Variants in L3MBTL3 observed in about 807,000 individuals in gnomAD.
L3MBTL3 encodes the protein L3MBTL histone methyl-lysine binding protein 3, also known as lethal(3)malignant brain tumor-like protein 3.
L3MBTL3 carries 27 observed loss-of-function variants against 102.3 expected under a neutral mutation model. That is an observed-to-expected ratio of 0.26 (90% CI 0.19 to 0.36). L3MBTL3 has a LOEUF of 0.36. Ranked by LOEUF, L3MBTL3 falls within the 10% of genes least tolerant of loss-of-function variation. The pLI is 1.00. For synonymous variants in L3MBTL3, 340 were observed against 320.9 expected (o/e 1.06, Z -0.64); for missense variants, 798 against 955.3 (o/e 0.84, Z 2.17).
intron 22 of L3MBTL3, among the ~76,000 whole-genome samples, chr6:130,137,437 C>G (rs939244964): frequency 2.0e-5 from 3 of 152,194 alleles, no homozygotes; most frequent in Non-Finnish European, 4.4e-5. Context: ...TCCTTCCAAT[C>G]AAGACTTGTT....
chr6:130,055,874 G>A (rs953709011), intron 8 of L3MBTL3, among the ~76,000 whole-genome samples: 1 of 150,104 alleles, frequency 6.7e-6, no homozygotes, highest in Non-Finnish European at 1.5e-5. Flanking sequence ...CATCTCTTCT[G>A]TCTTCTCTTC....
chr6:130,096,121 C>T (rs1784349093), intron 18 of L3MBTL3, among the ~76,000 whole-genome samples: 1 of 151,970 alleles, frequency 6.6e-6, no homozygotes, highest in Non-Finnish European at 1.5e-5. Context: ...GTTTTTTTCC[C>T]CACGTTTTGG....
intron 22 of L3MBTL3, 101 bp downstream of exon 22, chr6:130,134,006 T>C: frequency 1.1e-6 from 1 of 885,866 alleles, no homozygotes; most frequent in Non-Finnish European, 1.8e-6. Flanking sequence ...CAAAAAGAGA[T>C]GGGGTGTGTT....
chr6:130,022,247 A>C lies in L3MBTL3; in HGVS notation c.-74A>C, dbSNP rs1295239956. On this transcript the variant is annotated 5_prime_UTR_variant, in exon 2 of 23. Transcript: ENST00000361794. ...GCTAGAACCCTTAGGAGAAATCTTG[A>C]GAGTGGACAGCAATTGTGAAGATCG... The C allele has an allele frequency of 6.6e-6, 1 of 152,224 alleles. No homozygotes were observed. The highest frequency in any genetic ancestry group is 1.5e-5 in the Non-Finnish European group (1 of 68,042). The allele number at this position is 152,224 out of a possible 1,614,324, so 9.4% of individuals were successfully genotyped here.
chr6:130,027,759 G>T (rs992923039), intron 2 of L3MBTL3, among the ~76,000 whole-genome samples: 1 of 152,064 alleles, frequency 6.6e-6, no homozygotes, highest in South Asian at 2.1e-4. Context: ...AAATAAAAAA[G>T]AACAAGAGAG....
intron 12 of L3MBTL3, among the ~76,000 whole-genome samples, chr6:130,070,669 G>GT (rs1226818696): frequency 6.7e-6 from 1 of 149,652 alleles, no homozygotes; most frequent in Admixed American, 6.7e-5. Context: ...ACCTATTACA[G>GT]TTTTCTAATT....
In L3MBTL3 at chr6:130,098,445, G is replaced by C. The variant is rs534143227; in HGVS notation, c.1736+4078G>C. Reference sequence around the variant, plus strand: ...GAGTGGCGCTCAGAGAGAAGCGTCAGCTTTTTATGAGGGAAGCAGAGCATT... The same window carrying C: ...GAGTGGCGCTCAGAGAGAAGCGTCACCTTTTTATGAGGGAAGCAGAGCATT... On this transcript the variant is annotated intron_variant, in intron 18 of 22. Coordinates refer to ENST00000361794, the MANE Select transcript of L3MBTL3 (RefSeq NM_032438.4). 5.3e-5 allele frequency among the ~76,000 whole-genome samples: 8 copies of C among 152,298 alleles called. No homozygotes were observed. The South Asian group carries it at 1.5e-3, about 28-fold the overall frequency.
chr6:130,095,832 TAAC>T (rs1159824349), intron 18 of L3MBTL3, among the ~76,000 whole-genome samples: 1 of 152,116 alleles, frequency 6.6e-6, no homozygotes, highest in Non-Finnish European at 1.5e-5. Flanking sequence ...GCTCCCATGA[TAAC>T]AAACCCACTT....
rs138536575 is a variant in L3MBTL3 at position 130,051,556 on chromosome 6, C to T, written c.449+148C>T. 155 of 671,378 alleles carry T rather than the reference C, an allele frequency of 2.3e-4. 1 individual carries two copies. The African/African-American group carries it at 2.4e-3, about 10-fold the overall frequency. The allele number at this position is 671,378 out of a possible 1,614,324, so 41.6% of individuals were successfully genotyped here. Reference sequence around the variant, plus strand: ...CTTTTCCTTTAGGGCCACATGGGCCCTAACCCCTATATGGGACCTGGTGAC... The same window carrying T: ...CTTTTCCTTTAGGGCCACATGGGCCTTAACCCCTATATGGGACCTGGTGAC... On this transcript the variant is annotated intron_variant, in intron 6 of 22. Transcript: ENST00000361794.
intron 2 of L3MBTL3, among the ~76,000 whole-genome samples, chr6:130,025,623 G>A (rs1327456279): frequency 6.6e-6 from 1 of 152,118 alleles, no homozygotes; most frequent in East Asian, 1.9e-4. Flanking sequence ...TCTTGGATGA[G>A]GGAACTTTCC....
intron 3 of L3MBTL3, among the ~76,000 whole-genome samples, chr6:130,047,025 G>C (rs1488893751): frequency 1.3e-5 from 2 of 152,106 alleles, no homozygotes; most frequent in Admixed American, 1.3e-4. Flanking sequence ...GTATGTTTTT[G>C]CATATGACAG....
intron 14 of L3MBTL3, among the ~76,000 whole-genome samples, chr6:130,080,745 A>C (rs991671165): frequency 6.6e-6 from 1 of 152,264 alleles, no homozygotes; most frequent in Non-Finnish European, 1.5e-5. Context: ...ATATGAATAT[A>C]CATAATGCCA....
chr6:130,055,280 A>T, intron 8 of L3MBTL3, 25 bp downstream of exon 8: 1 of 1,559,862 alleles, frequency 6.4e-7, no homozygotes, highest in African/African-American at 1.4e-5. Context: ...ATAAAGTCTT[A>T]CTTGTAACTT....
intron 19 of L3MBTL3, among the ~76,000 whole-genome samples, chr6:130,117,863 CTTTTTTTTTTTTTT>C (rs56787867): frequency 3.8e-5 from 2 of 53,014 alleles, no homozygotes; most frequent in South Asian, 8.2e-4. Context: ...GCACGCCTGA[CTTTTTTTTTTTTTT>C]TTTTTTTTTT....
intron 11 of L3MBTL3, among the ~76,000 whole-genome samples, chr6:130,067,403 C>G (rs561068814): frequency 7.2e-5 from 11 of 152,166 alleles, no homozygotes; most frequent in Non-Finnish European, 2.9e-5. Context: ...TGTAAGCCAC[C>G]GTGCCCGGCC....
chr6:130,102,880 T>C (rs528054089), intron 18 of L3MBTL3, among the ~76,000 whole-genome samples: 5 of 152,248 alleles, frequency 3.3e-5, no homozygotes, highest in African/African-American at 9.6e-5. Context: ...TATGAAGTTA[T>C]CTAATTTATG....
In L3MBTL3 at chr6:130,060,077, C is replaced by G. The variant is rs1179630573; in HGVS notation, c.801C>G (p.Gly267=). 6.2e-7 allele frequency: 1 copy of G among 1,613,558 alleles called. No individual in the cohort carries two copies. The highest frequency in any genetic ancestry group is 1.7e-5 in the Admixed American group (1 of 59,980). The change falls in exon 10 of 23, where the codon GGC becomes GGG. Residue 267 remains glycine, a synonymous_variant. Coordinates refer to ENST00000361794, the MANE Select transcript of L3MBTL3 (RefSeq NM_032438.4). The part of the protein sequence containing the change: ...FPYNKNGFKV[G]MKLEGVDPEH... ...ATAACAAAAATGGATTCAAAGTTGG[C>G]ATGAAATTAGAAGGCGTGGATCCTG...
chr6:130,043,732 C>T (rs2114702940), intron 3 of L3MBTL3, among the ~76,000 whole-genome samples: 1 of 152,278 alleles, frequency 6.6e-6, no homozygotes, highest in South Asian at 2.1e-4. Flanking sequence ...AATCTAGTCC[C>T]TTTTAGTGGC....
At chr6:130,093,456 G>C (rs1309242862) in intron 17 of L3MBTL3, among the ~76,000 whole-genome samples, 1 of 152,078 alleles carries the variant, frequency 6.6e-6, no homozygotes, top group African/African-American at 2.4e-5. Context: ...GTGTACTTCT[G>C]TATCCAGTGA....
Sources: allele counts gnomAD v4.1 joint callset (sites outside exome capture counted in the v4.1 genomes callset), GRCh38; gene constraint gnomAD v4.1.1; transcripts MANE v1.5; gene names NCBI Gene and HGNC (gene_info 2026-07-23, HGNC 2026-07-21).